Variants in MSRA observed in about 807,000 individuals in gnomAD.
The protein encoded by MSRA is mitochondrial peptide methionine sulfoxide reductase.
MSRA carries 54 observed loss-of-function variants against 31.3 expected under a neutral mutation model. The observed-to-expected ratio is 1.73, with a 90% CI of 1.39 to 2.17. The LOEUF is 2.17. Ranked by LOEUF, MSRA falls within the 30% of genes most tolerant of loss-of-function variation. The pLI is 0.00. For synonymous variants in MSRA, 169 were observed against 116.5 expected, an observed-to-expected ratio of 1.45 and a Z score of -2.90; for missense variants, 507 against 300.9, an observed-to-expected ratio of 1.69 and a Z score of -5.07.
At chr8:10,377,350 C>T (rs1805813321) in intron 5 of MSRA, among the ~76,000 whole-genome samples, 1 of 152,248 alleles carries the variant, frequency 6.6e-6, no homozygotes, top group African/African-American at 2.4e-5. Flanking sequence ...ATTTGAGGCA[C>T]AGTTTGCTTT....
At chr8:10,076,276 C>G (rs1304449225) in intron 1 of MSRA, among the ~76,000 whole-genome samples, 1 of 152,172 alleles carries the variant, frequency 6.6e-6, no homozygotes, top group Non-Finnish European at 1.5e-5. Flanking sequence ...GGACAGTGTA[C>G]TGTCATACTG....
At chr8:10,310,049 A>G (rs1421631273) in intron 4 of MSRA, among the ~76,000 whole-genome samples, 2 of 152,250 alleles carry the variant, frequency 1.3e-5, no homozygotes, top group African/African-American at 4.8e-5. Flanking sequence ...TGAACTTGCC[A>G]GATTAATATC....
intron 1 of MSRA, among the ~76,000 whole-genome samples, chr8:10,138,561 C>G (rs184882077): frequency 2.6e-5 from 4 of 152,288 alleles, no homozygotes; most frequent in South Asian, 4.2e-4. Context: ...CAGTGACATT[C>G]TTTTATTCAA....
intron 5 of MSRA, among the ~76,000 whole-genome samples, chr8:10,346,605 A>C (rs1490276629): frequency 1.3e-5 from 2 of 152,256 alleles, no homozygotes; most frequent in South Asian, 4.1e-4. Flanking sequence ...AGAAAGCTCC[A>C]GAGTGGAAAA....
At chr8:10,057,440 C>G (rs1802439694) in intron 1 of MSRA, among the ~76,000 whole-genome samples, 1 of 152,186 alleles carries the variant, frequency 6.6e-6, no homozygotes, top group Non-Finnish European at 1.5e-5. Context: ...TAATTAAAAC[C>G]TCAGAGTGCC....
In MSRA at chr8:10,394,021, G is replaced by T. The variant is rs929491567; in HGVS notation, c.544-34127G>T. Among the ~76,000 whole-genome samples the T allele has an allele frequency of 6.6e-5, 10 of 152,342 alleles. 1 individual carries two copies. The South Asian group carries it at 2.1e-3, about 32-fold the overall frequency. On this transcript the variant is annotated intron_variant, in intron 5 of 5. Transcript: ENST00000317173. Reference sequence around the variant, plus strand: ...GGCCAATTAGAGGGCAGATGGAAGAGACCCTAAGACAACATGACCAGTGTT... The same window carrying T: ...GGCCAATTAGAGGGCAGATGGAAGATACCCTAAGACAACATGACCAGTGTT...
intron 3 of MSRA, among the ~76,000 whole-genome samples, chr8:10,282,820 C>T (rs754484065): frequency 7.2e-5 from 11 of 152,094 alleles, no homozygotes; most frequent in Non-Finnish European, 7.4e-5. Context: ...TCCTGGAATT[C>T]AGAATTCTCC....
At chr8:10,300,932 C>G (rs2129125044) in intron 3 of MSRA, among the ~76,000 whole-genome samples, 1 of 152,222 alleles carries the variant, frequency 6.6e-6, no homozygotes, top group Middle Eastern at 3.4e-3. Context: ...ATGTCACCAT[C>G]ATTGTTTACC....
rs78141352 is a variant in MSRA at position 10,359,901 on chromosome 8, C to T, written c.543+39912C>T. Among the ~76,000 whole-genome samples the T allele has an allele frequency of 6.4e-3, 973 of 152,288 alleles. 10 individuals are homozygous for T. The highest frequency in any genetic ancestry group is 0.021 in the African/African-American group (882 of 41,550). ...GCACTGTTCCATCTTCTGTTGCATCCCACAGTGTTAAAACTGTGCAGCTGG... is the reference window on the plus strand; with the variant it reads ...GCACTGTTCCATCTTCTGTTGCATCTCACAGTGTTAAAACTGTGCAGCTGG... On this transcript the variant is annotated intron_variant, in intron 5 of 5. Coordinates refer to ENST00000317173, the MANE Select transcript of MSRA (RefSeq NM_012331.5).
At chr8:10,122,629 C>G (rs941306363) in intron 1 of MSRA, among the ~76,000 whole-genome samples, 2 of 151,786 alleles carry the variant, frequency 1.3e-5, no homozygotes, top group African/African-American at 4.8e-5. Context: ...TATTTTGTCA[C>G]CCGGATACCA....
chr8:10,251,022 C>T (rs1797888935), intron 3 of MSRA: 1 of 152,296 alleles, frequency 6.6e-6, no homozygotes, highest in African/African-American at 2.4e-5. Flanking sequence ...CTGGGGCCAG[C>T]TTGTGGTAAG....
chr8:10,239,275 C>A (rs1200756252), intron 2 of MSRA, among the ~76,000 whole-genome samples: 1 of 152,108 alleles, frequency 6.6e-6, no homozygotes, highest in African/African-American at 2.4e-5. Context: ...AATTCTTCTG[C>A]CTCAGCCTCA....
intron 4 of MSRA, among the ~76,000 whole-genome samples, chr8:10,317,284 C>A (rs1801780247): frequency 6.6e-6 from 1 of 152,174 alleles, no homozygotes; most frequent in Non-Finnish European, 1.5e-5. Context: ...CTTTAAAGTT[C>A]TCATTTTCAG....
intron 5 of MSRA, among the ~76,000 whole-genome samples, chr8:10,388,720 A>G (rs1202748104): frequency 2.6e-5 from 4 of 152,096 alleles, no homozygotes; most frequent in African/African-American, 7.2e-5. Flanking sequence ...TAATGAGAGC[A>G]GGGTTTCTCA....
At chr8:10,372,000 A>G (rs1805505257) in intron 5 of MSRA, among the ~76,000 whole-genome samples, 2 of 151,982 alleles carry the variant, frequency 1.3e-5, no homozygotes, top group South Asian at 2.1e-4. Flanking sequence ...ATGATAGATC[A>G]AAGAGCCCCA....
chr8:10,066,111 C>T (rs1158695038), intron 1 of MSRA, among the ~76,000 whole-genome samples: 1 of 152,206 alleles, frequency 6.6e-6, no homozygotes, highest in South Asian at 2.1e-4. Context: ...CACCCTCCGT[C>T]TCCCGGATTC....
At chr8:10,403,502 A>T (rs1461626939) in intron 5 of MSRA, among the ~76,000 whole-genome samples, 1 of 152,158 alleles carries the variant, frequency 6.6e-6, no homozygotes, top group African/African-American at 2.4e-5. Flanking sequence ...AGCCTGGGCG[A>T]GAGAATTGCC....
rs1459329161 is a variant in MSRA, at chr8:10,392,897, A to C, written c.544-35251A>C. Among the ~76,000 whole-genome samples the C allele has an allele frequency of 8.0e-5, 6 of 75,246 alleles. 1 individual carries two copies. In the Middle Eastern group the frequency reaches 0.019, roughly 241 times the overall value. The allele number at this position is 75,246 out of a possible 152,430, so 49.4% of individuals were successfully genotyped here. A position where few individuals can be genotyped will look rare whatever the true frequency, so the allele number is the denominator to read the frequency against. ...CCGTCTCTACTAAAAATGCAAAAAA[A>C]AAAAAAAAAAAAAAATTAGCCGGCA... On this transcript the variant is annotated intron_variant, in intron 5 of 5. Coordinates refer to ENST00000317173, the MANE Select transcript of MSRA (RefSeq NM_012331.5).
intron 3 of MSRA, among the ~76,000 whole-genome samples, chr8:10,260,556 A>T (rs372222246): frequency 6.6e-6 from 1 of 152,210 alleles, no homozygotes; most frequent in Non-Finnish European, 1.5e-5. Context: ...GTCATTGCAT[A>T]AATTGGCTAC....
Sources: allele counts gnomAD v4.1 joint callset (sites outside exome capture counted in the v4.1 genomes callset), GRCh38; gene constraint gnomAD v4.1.1; transcripts MANE v1.5; gene names NCBI Gene and HGNC (gene_info 2026-07-23, HGNC 2026-07-21).